RAD18: variants seen among roughly 807,000 people sequenced by gnomAD.
RAD18 encodes the protein E3 ubiquitin-protein ligase RAD18.
In RAD18, 47 loss-of-function variants were observed where a neutral mutation model predicts 60.4. The observed-to-expected ratio is 0.78, with a 90% CI of 0.62 to 0.99. RAD18 has a LOEUF of 0.99. RAD18 is among the 50% of genes least tolerant of loss of function. The pLI is 0.00. For synonymous variants in RAD18, 225 were observed against 195.5 expected (o/e 1.15, Z -1.26); for missense variants, 640 against 593.3 (o/e 1.08, Z -0.82).
At chr3:8,896,414 T>G (rs1939784192) in intron 11 of RAD18, among the ~76,000 whole-genome samples, 1 of 149,970 alleles carries the variant, frequency 6.7e-6, no homozygotes, top group Non-Finnish European at 1.5e-5. Flanking sequence ...CTTCTGAGAT[T>G]TGGAGAACAG....
Position 8,902,793 on chromosome 3 carries a change from G to A in RAD18, c.1028-273C>T, listed in dbSNP as rs141930273. 1.9e-3 allele frequency among the ~76,000 whole-genome samples: 295 copies of A among 152,236 alleles called. 1 individual carries two copies. Among genetic ancestry groups the A allele is most frequent in the Middle Eastern group, 0.014 (4 of 294 alleles). On this transcript the variant is annotated intron_variant, in intron 9 of 12. Transcript: ENST00000264926. ...TGTAATCCCAGCACTTTGGGAGGCC[G>A]AAGTAGGTGGACCATTTGTCAGGAG...
intron 7 of RAD18, among the ~76,000 whole-genome samples, chr3:8,921,736 G>C (rs145446120): frequency 1.1e-5 from 1 of 90,518 alleles, no homozygotes; most frequent in African/African-American, 4.4e-5. Flanking sequence ...TCAGGCAAAA[G>C]AAAATGACAC....
chr3:8,894,878 A>G (rs1939759288), intron 11 of RAD18, among the ~76,000 whole-genome samples: 1 of 149,158 alleles, frequency 6.7e-6, no homozygotes, highest in Non-Finnish European at 1.5e-5. Flanking sequence ...CTGCTGCCTC[A>G]GCCTCCCGAG....
chr3:8,949,539 G>C lies in RAD18; in HGVS notation c.134-969C>G, dbSNP rs953370700. The stretch of plus-strand genomic sequence containing the variant: ...TGAATACAGGGGACCGATTCAGCAT[G>C]TAAGGGGCTTGGAAGTCACCACTCT... On this transcript the variant is annotated intron_variant, in intron 2 of 12. Coordinates refer to ENST00000264926, the MANE Select transcript of RAD18 (RefSeq NM_020165.4). Among the ~76,000 whole-genome samples, 3 of 152,214 alleles carry C rather than the reference G, an allele frequency of 2.0e-5. No homozygotes were observed. In the East Asian group the frequency reaches 5.8e-4, roughly 29 times the overall value.
At chr3:8,928,889 T>A (rs2125062184) in intron 7 of RAD18, among the ~76,000 whole-genome samples, 1 of 152,308 alleles carries the variant, frequency 6.6e-6, no homozygotes, top group South Asian at 2.1e-4. Flanking sequence ...TCTGAAATGA[T>A]ACAGAACAGG....
chr3:8,918,175 C>T (rs113336904), intron 7 of RAD18, among the ~76,000 whole-genome samples: 2,414 of 151,866 alleles, frequency 0.016, 64 homozygotes, highest in African/African-American at 0.055. Flanking sequence ...AAAATTAGCA[C>T]GGCATGGTGG....
At chr3:8,905,165 T>C (rs928294609) in intron 9 of RAD18, among the ~76,000 whole-genome samples, 1 of 152,234 alleles carries the variant, frequency 6.6e-6, no homozygotes, top group Non-Finnish European at 1.5e-5. Context: ...GTGTCCTGGA[T>C]TTTCCTCTTA....
chr3:8,956,475 AT>A (rs1371747811), intron 2 of RAD18, among the ~76,000 whole-genome samples: 1 of 152,188 alleles, frequency 6.6e-6, no homozygotes, highest in Non-Finnish European at 1.5e-5. Context: ...ACAGAGTGCA[AT>A]TTAAAACTTA....
intron 7 of RAD18, among the ~76,000 whole-genome samples, chr3:8,914,632 C>G (rs1940164673): frequency 6.6e-6 from 1 of 152,120 alleles, no homozygotes; most frequent in Non-Finnish European, 1.5e-5. Flanking sequence ...TTTCTGAGCA[C>G]TGAGAGGTAC....
At position 8,959,039 on chromosome 3, in the gene RAD18, C is replaced by T. The variant is rs770080318; in HGVS notation, c.52-38G>A. The stretch of plus-strand genomic sequence containing the variant: ...TATGCATATATACATATCAGAAAGA[C>T]ATCAAAATTGGAAGTCCTGTCACAA... On this transcript the variant is annotated intron_variant, in intron 1 of 12. Coordinates refer to ENST00000264926, the MANE Select transcript of RAD18 (RefSeq NM_020165.4). 3.3e-6 allele frequency: 5 copies of T among 1,537,104 alleles called. No homozygotes were observed. The African/African-American group carries it at 6.8e-5, about 21-fold the overall frequency.
intron 7 of RAD18, among the ~76,000 whole-genome samples, chr3:8,929,912 G>T (rs2125062619): frequency 6.6e-6 from 1 of 152,338 alleles, no homozygotes; most frequent in Non-Finnish European, 1.5e-5. Flanking sequence ...CAAACAAAGT[G>T]CTGGGATTAC....
chr3:8,925,055 A>G (rs1044088667), intron 7 of RAD18, among the ~76,000 whole-genome samples: 4 of 151,862 alleles, frequency 2.6e-5, no homozygotes, highest in African/African-American at 9.7e-5. Flanking sequence ...AGAAATAACT[A>G]AGATCAGAGC....
chr3:8,952,080 G>A (rs538958295), intron 2 of RAD18, among the ~76,000 whole-genome samples: 5 of 152,148 alleles, frequency 3.3e-5, no homozygotes, highest in Non-Finnish European at 7.3e-5. Context: ...TGGGGTTGGG[G>A]CTTCGACATA....
chr3:8,954,325 C>T (rs1022550396), intron 2 of RAD18, among the ~76,000 whole-genome samples: 19 of 152,304 alleles, frequency 1.2e-4, no homozygotes, highest in South Asian at 8.3e-4. Context: ...GACAAGGATT[C>T]ATTTAAGTTT....
At chr3:8,928,465 T>C (rs188135904) in intron 7 of RAD18, among the ~76,000 whole-genome samples, 1 of 151,962 alleles carries the variant, frequency 6.6e-6, no homozygotes, top group East Asian at 1.9e-4. Context: ...GTATAATAGG[T>C]TTAAAGAAAA....
chr3:8,906,208 ATG>A (rs760326489), intron 9 of RAD18, among the ~76,000 whole-genome samples: 2 of 119,346 alleles, frequency 1.7e-5, no homozygotes, highest in Non-Finnish European at 3.6e-5. Context: ...AGTCATGTGT[ATG>A]TATACAGTTA....
Position 8,948,147 on chromosome 3 carries a change from A to G in RAD18, c.195+362T>C, listed in dbSNP as rs1218812161. Reference sequence around the variant, plus strand: ...ATAGGCCGGATTAAGCCCAACAGCCATGCATATTTACCTTCTGCACAAATA... The same window carrying G: ...ATAGGCCGGATTAAGCCCAACAGCCGTGCATATTTACCTTCTGCACAAATA... On this transcript the variant is annotated intron_variant, in intron 3 of 12. Transcript: ENST00000264926. Among the ~76,000 whole-genome samples the G allele has an allele frequency of 2.6e-5, 4 of 152,224 alleles. No homozygotes were observed. The East Asian group carries it at 5.8e-4, about 22-fold the overall frequency.
intron 4 of RAD18, among the ~76,000 whole-genome samples, chr3:8,943,929 A>C (rs895656101): frequency 1.3e-5 from 2 of 152,172 alleles, no homozygotes; most frequent in African/African-American, 4.8e-5. Context: ...AATGAACAGC[A>C]AACTAAACCC....
intron 4 of RAD18, among the ~76,000 whole-genome samples, chr3:8,943,166 C>G (rs185338920): frequency 3.1e-4 from 47 of 152,254 alleles, no homozygotes; most frequent in Middle Eastern, 3.4e-3. Flanking sequence ...GCTTCTACAA[C>G]GTTTCAACCA....
Sources: allele counts gnomAD v4.1 joint callset (sites outside exome capture counted in the v4.1 genomes callset), GRCh38; gene constraint gnomAD v4.1.1; transcripts MANE v1.5; gene names NCBI Gene and HGNC (gene_info 2026-07-23, HGNC 2026-07-21).